Variants in RRP15 observed in about 807,000 individuals in gnomAD.
The protein encoded by RRP15 is ribosomal RNA processing 15 homolog, also known as RRP15-like protein.
In RRP15, 18 loss-of-function variants were observed where a neutral mutation model predicts 27.1. That is an observed-to-expected ratio of 0.66 (90% CI 0.46 to 0.98). The LOEUF is 0.98. Ranked by LOEUF, RRP15 falls within the 50% of genes least tolerant of loss-of-function variation. The pLI is 0.00. For missense variants in RRP15, 359 were observed against 337.8 expected (o/e 1.06, Z -0.49); for synonymous variants, 107 against 109.4 (o/e 0.98, Z 0.14).
chr1:218,328,539 TATAGTCCCAGCTACTCGGG>T (rs1476264671), intron 4 of RRP15, among the ~76,000 whole-genome samples: 22 of 151,994 alleles, frequency 1.4e-4, no homozygotes, highest in Non-Finnish European at 4.4e-5. Context: ...GGCAGGTGCC[TATAGTCCCAGCTACTCGGG>T]AGGCTGAGGC....
chr1:218,336,919 T>C lies in RRP15; in HGVS notation c.*5828T>C, dbSNP rs1326929612. 6.6e-6 allele frequency: 1 copy of C among 152,202 alleles called. No individual in the cohort carries two copies. Among genetic ancestry groups the C allele is most frequent in the African/African-American group, 2.4e-5 (1 of 41,446 alleles). The allele number at this position is 152,202 out of a possible 1,614,324, so 9.4% of individuals were successfully genotyped here. A position where few individuals can be genotyped will look rare whatever the true frequency, so the allele number is the denominator to read the frequency against. On this transcript the variant is annotated 3_prime_UTR_variant, in exon 5 of 5. Coordinates refer to ENST00000366932, the MANE Select transcript of RRP15 (RefSeq NM_016052.4). ...TACTCCTTAATAACCAGTAAAGTTATATTTACACTGGACATTTTAAGAAAT... is the reference window on the plus strand; with the variant it reads ...TACTCCTTAATAACCAGTAAAGTTACATTTACACTGGACATTTTAAGAAAT...
At chr1:218,311,982 A>G (rs1280363719) in intron 4 of RRP15, among the ~76,000 whole-genome samples, 2 of 152,210 alleles carry the variant, frequency 1.3e-5, no homozygotes, top group Non-Finnish European at 2.9e-5. Context: ...CAGTGTGACC[A>G]TGGAGGAATA....
At chr1:218,309,167 A>T (rs908493233) in intron 4 of RRP15, among the ~76,000 whole-genome samples, 1 of 152,150 alleles carries the variant, frequency 6.6e-6, no homozygotes, top group Non-Finnish European at 1.5e-5. Flanking sequence ...ATTGCTTGAG[A>T]CTTAAGCCAA....
intron 2 of RRP15, among the ~76,000 whole-genome samples, chr1:218,304,273 T>C (rs1655859178): frequency 6.6e-6 from 1 of 152,218 alleles, no homozygotes; most frequent in Non-Finnish European, 1.5e-5. Context: ...TAATGCATTA[T>C]ATCATTATAT....
intron 4 of RRP15, among the ~76,000 whole-genome samples, chr1:218,328,885 T>G (rs2102517329): frequency 6.6e-6 from 1 of 152,208 alleles, no homozygotes; most frequent in East Asian, 1.9e-4. Context: ...TTGGGTGTAC[T>G]TGCCTAACAT....
At chr1:218,306,581 T>TTA (rs1439260464) in intron 3 of RRP15, among the ~76,000 whole-genome samples, 1 of 152,154 alleles carries the variant, frequency 6.6e-6, no homozygotes, top group African/African-American at 2.4e-5. Context: ...GATTGCCTCT[T>TTA]ATTAGAGCAA....
At chr1:218,325,754 G>T (rs1656261035) in intron 4 of RRP15, among the ~76,000 whole-genome samples, 1 of 152,110 alleles carries the variant, frequency 6.6e-6, no homozygotes, top group African/African-American at 2.4e-5. Context: ...GGGAAATTTT[G>T]TTAAAGTATT....
chr1:218,334,124 G>T lies in RRP15; in HGVS notation c.*3033G>T, dbSNP rs1157801513. ...TAAGCATCAGAATTTGAAAGCCAAT[G>T]ATAATACCTGATTAGGACTGAAAAT... On this transcript the variant is annotated 3_prime_UTR_variant, in exon 5 of 5. Coordinates refer to ENST00000366932, the MANE Select transcript of RRP15 (RefSeq NM_016052.4). 1.3e-5 allele frequency: 2 copies of T among 152,158 alleles called. No homozygotes were observed. Among genetic ancestry groups the T allele is most frequent in the East Asian group, 3.8e-4 (2 of 5,196 alleles). The allele number at this position is 152,158 out of a possible 1,614,324, so 9.4% of individuals were successfully genotyped here. A position where few individuals can be genotyped will look rare whatever the true frequency, so the allele number is the denominator to read the frequency against.
In RRP15 at chr1:218,305,013, A is replaced by C. The variant is rs746247821; in HGVS notation, c.406-15A>C. 3 of 1,605,662 alleles carry C rather than the reference A, an allele frequency of 1.9e-6. No individual in the cohort carries two copies. The highest frequency in any genetic ancestry group is 3.3e-5 in the Admixed American group (2 of 59,774). On this transcript the variant is annotated splice_polypyrimidine_tract_variant and intron_variant, in intron 2 of 4. Transcript: ENST00000366932. ...ATATCTAATATTCTTTCACATAACA[A>C]TATTTATAACGCAGCGTGATAAGAG... is the stretch of plus-strand genomic sequence containing the variant.
intron 4 of RRP15, among the ~76,000 whole-genome samples, chr1:218,322,826 A>T (rs1286832732): frequency 6.6e-6 from 1 of 151,874 alleles, no homozygotes; most frequent in Non-Finnish European, 1.5e-5. Flanking sequence ...CGTTTTGCCC[A>T]CTCAGCCTGG....
intron 4 of RRP15, among the ~76,000 whole-genome samples, chr1:218,310,391 AT>A (rs1230227314): frequency 6.6e-6 from 1 of 152,256 alleles, no homozygotes; most frequent in African/African-American, 2.4e-5. Context: ...AAACACCTTC[AT>A]TTTAATGACT....
At chr1:218,293,766 G>C (rs1172312234) in intron 1 of RRP15, among the ~76,000 whole-genome samples, 4 of 152,140 alleles carry the variant, frequency 2.6e-5, no homozygotes, top group Non-Finnish European at 2.9e-5. Flanking sequence ...AGTATTGTTT[G>C]TTAGACTGCA....
chr1:218,304,977 C>A, intron 2 of RRP15, 51 bp from the exon 3 acceptor site: 1 of 1,503,198 alleles, frequency 6.7e-7, no homozygotes, highest in Non-Finnish European at 9.2e-7. Context: ...ATGTTTGCTG[C>A]ACTTTCAGAA....
intron 4 of RRP15, among the ~76,000 whole-genome samples, chr1:218,317,592 T>G (rs539912241): frequency 3.2e-4 from 49 of 152,340 alleles, no homozygotes; most frequent in Non-Finnish European, 6.0e-4. Context: ...AGAAAATTAT[T>G]TATAAATTCA....
intron 4 of RRP15, among the ~76,000 whole-genome samples, chr1:218,311,933 G>GAC (rs1656001353): frequency 6.6e-6 from 1 of 152,228 alleles, no homozygotes; most frequent in Non-Finnish European, 1.5e-5. Context: ...AGTGTTCTTA[G>GAC]ACACATAGGA....
At chr1:218,309,870 T>G (rs960634855) in intron 4 of RRP15, among the ~76,000 whole-genome samples, 27 of 152,068 alleles carry the variant, frequency 1.8e-4, no homozygotes, top group African/African-American at 5.8e-4. Context: ...TTAACATTAG[T>G]TACACCAGCT....
rs780552410 is a variant in RRP15, at chr1:218,305,017, T to C, written c.406-11T>C. ...CTAATATTCTTTCACATAACAATAT[T>C]TATAACGCAGCGTGATAAGAGGCTG... On this transcript the variant is annotated splice_polypyrimidine_tract_variant and intron_variant, in intron 2 of 4. Coordinates refer to ENST00000366932, the MANE Select transcript of RRP15 (RefSeq NM_016052.4). 2.5e-6 allele frequency: 4 copies of C among 1,609,818 alleles called. No homozygotes were observed. The highest frequency in any genetic ancestry group is 3.4e-6 in the Non-Finnish European group (4 of 1,176,456).
At chr1:218,301,510 C>G (rs1385735772) in intron 1 of RRP15, 1 of 152,214 alleles carries the variant, frequency 6.6e-6, no homozygotes, top group Non-Finnish European at 1.5e-5. Context: ...TTCTGCTAAT[C>G]TTCCTCATCC....
Position 218,337,912 on chromosome 1 carries a change from T to C in RRP15, c.*6821T>C, listed in dbSNP as rs1442857735. 2 of 152,162 alleles carry C rather than the reference T, an allele frequency of 1.3e-5. No individual in the cohort carries two copies. The highest frequency in any genetic ancestry group is 2.1e-4 in the South Asian group (1 of 4,832). 9.4% of individuals were successfully genotyped at this position (152,162 alleles called of 1,614,324 possible). A position where few individuals can be genotyped will look rare whatever the true frequency, so the allele number is the denominator to read the frequency against. On this transcript the variant is annotated 3_prime_UTR_variant, in exon 5 of 5. Coordinates refer to ENST00000366932, the MANE Select transcript of RRP15 (RefSeq NM_016052.4). ...GCAATGAATGTTGAACATAAAAAAT[T>C]TGACTCCCTTTCCATGTGTCCACTG...
Sources: allele counts gnomAD v4.1 joint callset (sites outside exome capture counted in the v4.1 genomes callset), GRCh38; gene constraint gnomAD v4.1.1; transcripts MANE v1.5; gene names NCBI Gene and HGNC (gene_info 2026-07-23, HGNC 2026-07-21).